The following C16orf92 variants were observed in gnomAD, a reference collection of about 807,000 sequenced individuals.
C16orf92 encodes the protein fertilization-influencing membrane protein 1.
C16orf92 carries 14 observed loss-of-function variants against 13.7 expected under a neutral mutation model. The observed-to-expected ratio is 1.02, with a 90% CI of 0.67 to 1.60. The LOEUF (loss-of-function observed/expected upper bound fraction) is 1.60. Ranked by LOEUF, C16orf92 falls within the 40% of genes most tolerant of loss-of-function variation. C16orf92 has a pLI of 0.00. For missense variants in C16orf92, 116 were observed against 139.0 expected, an observed-to-expected ratio of 0.83 and a Z score of 0.83; for synonymous variants, 50 against 57.4, an observed-to-expected ratio of 0.87 and a Z score of 0.58.
downstream of C16orf92, chr16:30,025,373 T>A: frequency 6.2e-7 from 1 of 1,607,268 alleles, no homozygotes; most frequent in Non-Finnish European, 8.5e-7. This position sits in a 1 kb window ranked among gnomAD's most constrained non-coding sequence, Gnocchi z 4.1. Flanking sequence ...GTAGGCCCAG[T>A]ACAGGTAGGG....
downstream of C16orf92, chr16:30,025,095 A>G: frequency 1.1e-6 from 1 of 897,150 alleles, no homozygotes; most frequent in Non-Finnish European, 1.6e-6. This position sits in a 1 kb window ranked among gnomAD's most constrained non-coding sequence, Gnocchi z 4.1. Context: ...GGGCAAGAGG[A>G]CCCTGGCTCC....
chr16:30,027,537 T>C (rs957642533), downstream of C16orf92: 6 of 454,388 alleles, frequency 1.3e-5, no homozygotes, highest in Non-Finnish European at 2.7e-5. Context: ...GTGAGAGGTC[T>C]TGTCAGCGCT....
At chr16:30,023,431 G>A in intron 1 of C16orf92, 27 bp downstream of exon 1, 1 of 1,605,844 alleles carries the variant, frequency 6.2e-7, no homozygotes, top group Non-Finnish European at 8.5e-7. Flanking sequence ...GGAGCAGCAG[G>A]AAGGCAGGCA....
downstream of C16orf92, chr16:30,026,491 C>T (rs980694347): frequency 2.7e-5 from 23 of 859,046 alleles, no homozygotes; most frequent in East Asian, 1.1e-4. Context: ...CCTGGGAATA[C>T]GCTGGGTCTG....
Position 30,023,346 on chromosome 16 carries a change from G to A in C16orf92, c.6G>A (p.Arg2=), listed in dbSNP as rs1217731994. 3.7e-6 allele frequency: 6 copies of A among 1,604,958 alleles called. No homozygotes were observed. Among genetic ancestry groups the A allele is most frequent in the Non-Finnish European group, 5.1e-6 (6 of 1,176,054 alleles). M[R]LWPWVLVWVW... ...CCCACCTCATGATAGGAGTCATGAG[G>A]CTGTGGCCATGGGTGCTGGTGTGGG... The change falls in exon 1 of 4, where the codon AGG becomes AGA. Residue 2 remains arginine, a synonymous_variant. Transcript: ENST00000681219.
chr16:30,023,714 G>C lies in C16orf92; in HGVS notation c.65-13G>C. On this transcript the variant is annotated splice_polypyrimidine_tract_variant and intron_variant, in intron 1 of 3. Coordinates refer to ENST00000681219, the MANE Select transcript of C16orf92 (RefSeq NM_001109659.2). ...CAGCTTGGCTGTTGTCACAGAGTTTGCTTGGGTCCTAGCACCCAGACCCAA... is the reference window on the plus strand; with the variant it reads ...CAGCTTGGCTGTTGTCACAGAGTTTCCTTGGGTCCTAGCACCCAGACCCAA... The C allele has an allele frequency of 6.2e-7, 1 of 1,614,098 alleles. No homozygotes were observed. Among genetic ancestry groups the C allele is most frequent in the Non-Finnish European group, 8.5e-7 (1 of 1,180,018 alleles).
Position 30,023,202 on chromosome 16 carries a change from CTT to C in C16orf92, c.-138_-137del. On this transcript the variant is annotated 5_prime_UTR_variant, in exon 1 of 4. Coordinates refer to ENST00000681219, the MANE Select transcript of C16orf92 (RefSeq NM_001109659.2). The stretch of plus-strand genomic sequence containing the variant: ...GGGGTGAAGACTGGTCCCAACCTCT[CTT>C]CTCCTCTCCTCTTCTGATGAGAGTG... The C allele has an allele frequency of 1.4e-6, 1 of 700,836 alleles. No homozygotes were observed. Among genetic ancestry groups the C allele is most frequent in the Non-Finnish European group, 2.4e-6 (1 of 412,210 alleles). 43.4% of individuals were successfully genotyped at this position (700,836 alleles called of 1,614,324 possible). A position where few individuals can be genotyped will look rare whatever the true frequency, so the allele number is the denominator to read the frequency against.
downstream of C16orf92, chr16:30,025,142 G>A (rs1038958651): frequency 2.3e-5 from 30 of 1,287,932 alleles, no homozygotes; most frequent in South Asian, 6.2e-5. The surrounding 1 kb of genome is among the most constrained non-coding windows in gnomAD (Gnocchi z 4.1). Context: ...CTGTCTCCAC[G>A]GGGGTGGGGG....
rs577058695 is a variant in C16orf92 at position 30,024,406 on chromosome 16, A to T, written c.*179A>T. The T allele has an allele frequency of 5.8e-6, 5 of 864,534 alleles. No individual in the cohort carries two copies. The African/African-American group carries it at 8.5e-5, about 15-fold the overall frequency. The allele number at this position is 864,534 out of a possible 1,614,324, so 53.6% of individuals were successfully genotyped here. On this transcript the variant is annotated 3_prime_UTR_variant, in exon 4 of 4. Coordinates refer to ENST00000681219, the MANE Select transcript of C16orf92 (RefSeq NM_001109659.2). Reference sequence around the variant, plus strand: ...CCTCCTCCCTTCCCAGCCCCAAAGAACTTGGTGGCAAGGGCCTTGGTGGCG... The same window carrying T: ...CCTCCTCCCTTCCCAGCCCCAAAGATCTTGGTGGCAAGGGCCTTGGTGGCG...
downstream of C16orf92, chr16:30,025,205 G>A (rs878975550): frequency 8.7e-6 from 13 of 1,487,758 alleles, no homozygotes; most frequent in South Asian, 6.8e-5. This position sits in a 1 kb window ranked among gnomAD's most constrained non-coding sequence, Gnocchi z 4.1. Context: ...CTGGCAGGCC[G>A]GGGGCGGCCG....
At chr16:30,026,502 CTTGG>C, downstream of C16orf92, 2 of 947,992 alleles carry the variant, frequency 2.1e-6, no homozygotes, top group Non-Finnish European at 3.2e-6. Context: ...GCTGGGTCTG[CTTGG>C]TTGTCAGTAC....
chr16:30,023,296 C>T lies in C16orf92; in HGVS notation c.-45C>T, dbSNP rs768561128. The T allele has an allele frequency of 2.1e-5, 32 of 1,551,892 alleles. No individual in the cohort carries two copies. The highest frequency in any genetic ancestry group is 2.8e-5 in the Non-Finnish European group (32 of 1,141,724). ...TCACCCCAAAGTGCCATCAGAACAG[C>T]TCTGGGCTGTGACATCACAGAGCCC... On this transcript the variant is annotated 5_prime_UTR_variant, in exon 1 of 4. Coordinates refer to ENST00000681219, the MANE Select transcript of C16orf92 (RefSeq NM_001109659.2).
chr16:30,026,577 G>A (rs778029887), downstream of C16orf92: 20 of 1,579,658 alleles, frequency 1.3e-5, no homozygotes, highest in Admixed American at 8.4e-5. Flanking sequence ...CAGGCCACCC[G>A]CACCCCGCCC....
downstream of C16orf92, chr16:30,027,317 C>T (rs1434061073): frequency 1.0e-5 from 4 of 392,572 alleles, no homozygotes; most frequent in Non-Finnish European, 2.0e-5. Context: ...TTCCAAACTT[C>T]CCATGCATAG....
downstream of C16orf92, chr16:30,025,180 G>A: frequency 4.8e-6 from 7 of 1,446,022 alleles, no homozygotes; most frequent in Non-Finnish European, 6.3e-6. The surrounding 1 kb of genome is among the most constrained non-coding windows in gnomAD (Gnocchi z 4.1). Context: ...CCGGCCCCCG[G>A]CCTCAGTCCT....
chr16:30,026,759 G>A, downstream of C16orf92: 3 of 1,614,196 alleles, frequency 1.9e-6, no homozygotes, highest in Non-Finnish European at 1.7e-6. Context: ...CCTGGTGCTT[G>A]TGCCAGTGAC....
At chr16:30,026,809 C>T, downstream of C16orf92, 1 of 1,614,118 alleles carries the variant, frequency 6.2e-7, no homozygotes, top group East Asian at 2.2e-5. Flanking sequence ...AAGTAGGGCA[C>T]AGCAAATTGC....
In C16orf92 at chr16:30,023,501, C is replaced by T. The variant is rs1237925679; in HGVS notation, c.64+97C>T. On this transcript the variant is annotated intron_variant, in intron 1 of 3. Transcript: ENST00000681219. ...GACTCGGAAGCCAACCCTGCACCCT[C>T]TCATTTTCTCTCCACTCTTCTCTCC... 3 of 1,399,690 alleles carry T rather than the reference C, an allele frequency of 2.1e-6. No individual in the cohort carries two copies. In the African/African-American group the frequency reaches 4.3e-5, roughly 20 times the overall value. The allele number at this position is 1,399,690 out of a possible 1,614,324, so 86.7% of individuals were successfully genotyped here.
At chr16:30,027,020 A>G, downstream of C16orf92, 1 of 695,630 alleles carries the variant, frequency 1.4e-6, no homozygotes, top group Admixed American at 2.0e-5. Context: ...TCATGCAGCT[A>G]GTAAGAGATG....
Sources: gnomAD v4.1 joint callset for allele counts on GRCh38, gnomAD v4.1.1 for gene constraint, Gnocchi (gnomAD v3.1) non-coding constraint, MANE v1.5 for transcripts, NCBI Gene and HGNC (gene_info 2026-07-23, HGNC 2026-07-21) for gene names.